SLC25A3: variants seen among roughly 807,000 people sequenced by gnomAD.
The protein encoded by SLC25A3 is solute carrier family 25 member 3.
A neutral mutation model predicts 37.1 loss-of-function variants in SLC25A3; 14 were observed. The observed-to-expected ratio is 0.38, with a 90% confidence interval of 0.25 to 0.59. SLC25A3 has a LOEUF of 0.59. Among genes scored for constraint, SLC25A3 ranks in the 20% least tolerant of loss-of-function variants. SLC25A3 has a pLI of 0.67. For missense variants in SLC25A3, 385 were observed against 458.1 expected (o/e 0.84, Z 1.46); for synonymous variants, 161 against 168.7 (o/e 0.95, Z 0.36).
chr12:98,599,491 A>C lies in SLC25A3; in HGVS notation c.642-464A>C, dbSNP rs371397723. Reference sequence around the variant, plus strand: ...AATACATGGTTTGAGCCCTGGACTGAGTTTTTTTTTTTTCCCTAGAGTAAG... The same window carrying C: ...AATACATGGTTTGAGCCCTGGACTGCGTTTTTTTTTTTTCCCTAGAGTAAG... On this transcript the variant is annotated intron_variant, in intron 5 of 7. Coordinates refer to ENST00000552981, the MANE Select transcript of SLC25A3 (RefSeq NM_002635.4). 7.3e-5 allele frequency: 30 copies of C among 409,250 alleles called. No individual in the cohort carries two copies. In the East Asian group the frequency reaches 1.7e-3, roughly 23 times the overall value. 25.4% of individuals were successfully genotyped at this position (409,250 alleles called of 1,614,324 possible).
intron 2 of SLC25A3, chr12:98,595,409 A>AC (rs2097592147): frequency 9.1e-7 from 1 of 1,095,164 alleles, no homozygotes; most frequent in African/African-American, 1.6e-5. Context: ...TACTTACTTG[A>AC]TTTTTTTTTT....
rs774650310 is a variant in SLC25A3 at position 98,594,038 on chromosome 12, G to T, written c.60G>T (p.Gln20His). 16 of 1,613,526 alleles carry T rather than the reference G, an allele frequency of 9.9e-6. No individual in the cohort carries two copies. Among genetic ancestry groups the T allele is most frequent in the Non-Finnish European group, 1.4e-5 (16 of 1,179,912 alleles). Residue 20 changes from glutamine (Q) to histidine (H), a missense_variant, in exon 2 of 8, where the codon CAG (glutamine) becomes CAT (histidine). Gln to His is a conservative substitution (Grantham distance 24). This residue lies in a region of SLC25A3 where 109 missense variants were observed against 90.5 expected (regional missense o/e 1.20). Transcript: ENST00000552981. ...ACCCCTTCAACACGCCACATCTGCA[G>T]CTGGTGCACGATGGTCTCGGGGACC... ...RANPFNTPHL[Q>H]LVHDGLGDLR...
At chr12:98,595,443 C>T in intron 2 of SLC25A3, 1 of 1,613,510 alleles carries the variant, frequency 6.2e-7, no homozygotes, top group Non-Finnish European at 8.5e-7. Flanking sequence ...AGCAGTATAG[C>T]TGTGACTATG....
In SLC25A3 at chr12:98,595,939, G is replaced by T. The variant is rs981559488; in HGVS notation, c.279+91G>T. ...ATGAGAATTTGAAGACATCACAACT[G>T]CTAGAAACTTCAGTAGGAAACCACA... On this transcript the variant is annotated intron_variant, in intron 3 of 7. Transcript: ENST00000552981. The T allele has an allele frequency of 7.6e-6, 9 of 1,188,740 alleles. No homozygotes were observed. The African/African-American group carries it at 1.4e-4, about 18-fold the overall frequency. The allele number at this position is 1,188,740 out of a possible 1,614,324, so 73.6% of individuals were successfully genotyped here.
At position 98,594,043 on chromosome 12, in the gene SLC25A3, T is replaced by G. The variant is rs576492133; in HGVS notation, c.65T>G (p.Val22Gly). 28 of 1,613,534 alleles carry G rather than the reference T, an allele frequency of 1.7e-5. No homozygotes were observed. The African/African-American group carries it at 2.4e-4, about 14-fold the overall frequency. The stretch of plus-strand genomic sequence containing the variant: ...TTCAACACGCCACATCTGCAGCTGG[T>G]GCACGATGGTCTCGGGGACCTCCGC... ...NPFNTPHLQL[V>G]HDGLGDLRSS... Residue 22 changes from valine (V) to glycine (G), a missense_variant, in exon 2 of 8, where the codon GTG becomes GGG. Around this residue, in one of 2 missense-constraint regions of SLC25A3, gnomAD observed 109 missense variants for 90.5 expected, o/e 1.20. Transcript: ENST00000552981.
intron 2 of SLC25A3, chr12:98,595,103 T>G (rs2097591850): frequency 3.2e-6 from 1 of 313,578 alleles, no homozygotes; most frequent in African/African-American, 2.1e-5. Context: ...CGAGTGATCT[T>G]TCTGAGTTTC....
At chr12:98,595,605 T>G (rs749428718) in intron 2 of SLC25A3, 122 bp from the exon 3 acceptor site, 9 of 1,613,282 alleles carry the variant, frequency 5.6e-6, no homozygotes, top group Non-Finnish European at 7.6e-6. Context: ...TGACTGACTG[T>G]TAAGTTATAA....
chr12:98,595,757 A>G lies in SLC25A3; in HGVS notation c.188A>G (p.Tyr63Cys), dbSNP rs2097592516. The change falls in exon 3 of 8, where the codon TAT becomes TGT. Residue 63 changes from tyrosine to cysteine, a missense_variant. Tyr to Cys is a radical substitution (Grantham distance 194). This residue lies in a region of SLC25A3 where 109 missense variants were observed against 90.5 expected (regional missense o/e 1.20). Coordinates refer to ENST00000552981, the MANE Select transcript of SLC25A3 (RefSeq NM_002635.4). ...AGTTGTGAATTTGGCTCCGCGAAGT[A>G]TTATGCACTGTGTGGCTTTGGTGGG... ...EYSCEFGSAK[Y>C]YALCGFGGVL... is the part of the protein sequence containing the mutation. 1 of 1,614,170 alleles carries G rather than the reference A, an allele frequency of 6.2e-7. No individual in the cohort carries two copies.
Position 98,601,963 on chromosome 12 carries a change from T to C in SLC25A3, c.*435T>C, listed in dbSNP as rs1212612595. ...ATAGTTAAATATGTGTAGTCATTTG[T>C]GGTTATTTTGGCAAGTAAATGTCAG... On this transcript the variant is annotated 3_prime_UTR_variant, in exon 8 of 8. Transcript: ENST00000552981. 5.9e-5 allele frequency: 12 copies of C among 203,084 alleles called. No individual in the cohort carries two copies. Among genetic ancestry groups the C allele is most frequent in the Non-Finnish European group, 1.0e-5 (1 of 98,844 alleles). 12.6% of individuals were successfully genotyped at this position (203,084 alleles called of 1,614,324 possible).
chr12:98,593,809 T>C, intron 1 of SLC25A3, 69 bp downstream of exon 1: 1 of 713,242 alleles, frequency 1.4e-6, no homozygotes, highest in East Asian at 2.7e-5. Context: ...GTGGGGCCGC[T>C]GCTTTGGCGG....
Position 98,595,751 on chromosome 12 carries a change from C to G in SLC25A3, c.182C>G (p.Ala61Gly), listed in dbSNP as rs754462038. The G allele has an allele frequency of 1.2e-6, 2 of 1,614,042 alleles. No homozygotes were observed. The highest frequency in any genetic ancestry group is 2.2e-5 in the South Asian group (2 of 91,086). Reference sequence around the variant, plus strand: ...GAGTACAGTTGTGAATTTGGCTCCGCGAAGTATTATGCACTGTGTGGCTTT... The same window carrying G: ...GAGTACAGTTGTGAATTTGGCTCCGGGAAGTATTATGCACTGTGTGGCTTT... Reference protein sequence around the residue: ...VEEYSCEFGSAKYYALCGFGG... With the variant: ...VEEYSCEFGSGKYYALCGFGG... Residue 61 changes from alanine to glycine, a missense_variant, in exon 3 of 8, where the codon GCG becomes GGG. Coordinates refer to ENST00000552981, the MANE Select transcript of SLC25A3 (RefSeq NM_002635.4).
At chr12:98,596,028 T>C (rs2097592699) in intron 3 of SLC25A3, among the ~76,000 whole-genome samples, 180 bp downstream of exon 3, 1 of 152,346 alleles carries the variant, frequency 6.6e-6, no homozygotes, top group East Asian at 1.9e-4. Flanking sequence ...AATGCCTCTA[T>C]TGTTTGAGTA....
intron 2 of SLC25A3, chr12:98,594,342 C>T (rs1267729711): frequency 4.3e-6 from 3 of 703,546 alleles, no homozygotes; most frequent in Admixed American, 4.0e-5. Flanking sequence ...GGCGTGGAAG[C>T]GCTGAGGCCC....
intron 5 of SLC25A3, 56 bp downstream of exon 5, chr12:98,598,759 AT>A (rs1160379378): frequency 2.2e-4 from 318 of 1,418,388 alleles, no homozygotes; most frequent in East Asian, 5.2e-4. Flanking sequence ...AGTGAACTTC[AT>A]TTTTTTTTGT....
At chr12:98,594,168 G>A (rs1448144771) in intron 2 of SLC25A3, 33 bp downstream of exon 2, 46 of 1,562,168 alleles carry the variant, frequency 2.9e-5, no homozygotes, top group Non-Finnish European at 3.9e-5. Context: ...ACAGTCGTGT[G>A]GTCTACTTGT....
chr12:98,599,791 T>TA (rs2097596225), intron 5 of SLC25A3, 164 bp from the exon 6 acceptor site: 2 of 833,250 alleles, frequency 2.4e-6, no homozygotes, highest in Non-Finnish European at 4.2e-6. Flanking sequence ...GTAAGAGAAA[T>TA]ATACCTGCAT....
chr12:98,595,228 C>G (rs2097591932), intron 2 of SLC25A3: 1 of 589,128 alleles, frequency 1.7e-6, no homozygotes, highest in Non-Finnish European at 3.0e-6. Context: ...AGAATACGAG[C>G]TATTAATAGT....
intron 3 of SLC25A3, among the ~76,000 whole-genome samples, chr12:98,597,092 C>T (rs899527132): frequency 2.6e-5 from 4 of 152,020 alleles, no homozygotes; most frequent in African/African-American, 9.7e-5. Flanking sequence ...AGTTTTGTTA[C>T]GTATTTTTGT....
chr12:98,595,414 T>A, intron 2 of SLC25A3: 1 of 1,613,574 alleles, frequency 6.2e-7, no homozygotes, highest in Non-Finnish European at 8.5e-7. Flanking sequence ...ACTTGATTTT[T>A]TTTTTTCCAA....
Sources: allele counts gnomAD v4.1 joint callset (sites outside exome capture counted in the v4.1 genomes callset), GRCh38; gene constraint gnomAD v4.1.1; regional missense constraint gnomAD v4.1.1; transcripts MANE v1.5; gene names NCBI Gene and HGNC (gene_info 2026-07-23, HGNC 2026-07-21).